Variants in EXOC6B observed in about 807,000 individuals in gnomAD.
EXOC6B encodes the protein SEC15 homolog B.
In EXOC6B, 54 loss-of-function variants were observed where a neutral mutation model predicts 113.5. The observed-to-expected ratio is 0.48, with a 90% CI of 0.38 to 0.60. The LOEUF (loss-of-function observed/expected upper bound fraction) is 0.60. EXOC6B is among the 20% of genes least tolerant of loss of function. The probability of loss-of-function intolerance (pLI) is 0.00; values close to 1 mark genes in which losing one functional copy is unlikely to be tolerated. For missense variants in EXOC6B, 797 were observed against 977.5 expected (o/e 0.82, Z 2.46); for synonymous variants, 357 against 339.0 (o/e 1.05, Z -0.58).
intron 20 of EXOC6B, among the ~76,000 whole-genome samples, chr2:72,188,719 A>G (rs1263446689): frequency 6.6e-6 from 1 of 152,248 alleles, no homozygotes; most frequent in African/African-American, 2.4e-5. Context: ...TTCTCCTGCA[A>G]GGACACTCAA....
intron 19 of EXOC6B, among the ~76,000 whole-genome samples, chr2:72,342,382 T>G: frequency 6.6e-6 from 1 of 152,010 alleles, no homozygotes; most frequent in Non-Finnish European, 1.5e-5. Flanking sequence ...AGGACCTAAA[T>G]AGACATTTTT....
intron 5 of EXOC6B, among the ~76,000 whole-genome samples, chr2:72,724,236 G>A (rs1680173152): frequency 6.6e-6 from 1 of 152,130 alleles, no homozygotes; most frequent in East Asian, 1.9e-4. Flanking sequence ...CCAGGGGAAG[G>A]TAAGATGAAC....
intron 1 of EXOC6B, among the ~76,000 whole-genome samples, chr2:72,814,587 A>G (rs1686113656): frequency 6.6e-6 from 1 of 152,238 alleles, no homozygotes; most frequent in Non-Finnish European, 1.5e-5. Flanking sequence ...TGCGTAATGT[A>G]TATTTTAAAG....
intron 18 of EXOC6B, among the ~76,000 whole-genome samples, chr2:72,406,252 T>C (rs1463874597): frequency 1.3e-5 from 2 of 152,012 alleles, no homozygotes; most frequent in Admixed American, 6.5e-5. Flanking sequence ...ACAATAATAA[T>C]GGGAGACTTT....
intron 20 of EXOC6B, among the ~76,000 whole-genome samples, chr2:72,271,258 A>C (rs1241859332): frequency 1.3e-5 from 2 of 152,242 alleles, no homozygotes; most frequent in Middle Eastern, 3.4e-3. Flanking sequence ...TCTCGAGTTT[A>C]AATTAAGTAG....
In EXOC6B at chr2:72,315,339, ATG is replaced by A. The variant is rs141556284; in HGVS notation, c.2196+19606_2196+19607del. Among the ~76,000 whole-genome samples, 307 of 148,430 alleles carry A rather than the reference ATG, an allele frequency of 2.1e-3. 2 individuals carry two copies. The highest frequency in any genetic ancestry group is 0.017 in the Middle Eastern group (5 of 288). ...AAGTAGTCACAGAGTTAAAGGGTGT[ATG>A]TGTGTGTGTGTGTGTGTGTGAAGGT... On this transcript the variant is annotated intron_variant, in intron 20 of 21. Coordinates refer to ENST00000272427, the MANE Select transcript of EXOC6B (RefSeq NM_015189.3).
At chr2:72,205,948 T>C (rs1330605716) in intron 20 of EXOC6B, among the ~76,000 whole-genome samples, 1 of 152,196 alleles carries the variant, frequency 6.6e-6, no homozygotes, top group Non-Finnish European at 1.5e-5. Flanking sequence ...TGTTCAAAAC[T>C]CTGGCCTGGA....
At chr2:72,592,716 G>T (rs1017670032) in intron 6 of EXOC6B, among the ~76,000 whole-genome samples, 1 of 152,162 alleles carries the variant, frequency 6.6e-6, no homozygotes, top group Non-Finnish European at 1.5e-5. Flanking sequence ...TAAAACCCTT[G>T]TAACTTCCTA....
At chr2:72,416,247 A>G (rs1381740575) in intron 18 of EXOC6B, among the ~76,000 whole-genome samples, 2 of 152,216 alleles carry the variant, frequency 1.3e-5, no homozygotes, top group African/African-American at 4.8e-5. Flanking sequence ...TCTCTCATCA[A>G]GAGAGCCAGC....
intron 5 of EXOC6B, among the ~76,000 whole-genome samples, chr2:72,721,364 T>TAAAAAAAAAAAA (rs11408155): frequency 1.1e-4 from 3 of 28,492 alleles, no homozygotes; most frequent in East Asian, 7.5e-4. Flanking sequence ...GTTGTTTTTG[T>TAAAAAAAAAAAA]AAAAAAAAAA....
chr2:72,742,243 T>G (rs1681366524), intron 1 of EXOC6B, among the ~76,000 whole-genome samples: 1 of 152,218 alleles, frequency 6.6e-6, no homozygotes, highest in African/African-American at 2.4e-5. Context: ...GTTTTCCCAT[T>G]TATCCCTCCT....
At chr2:72,802,324 C>CAA (rs200155351) in intron 1 of EXOC6B, among the ~76,000 whole-genome samples, 5 of 102,724 alleles carry the variant, frequency 4.9e-5, no homozygotes, top group East Asian at 2.8e-4. Flanking sequence ...GACTCTGTCT[C>CAA]AAAAAAAAAA....
Position 72,763,547 on chromosome 2 carries a change from C to T in EXOC6B, c.114-22078G>A, listed in dbSNP as rs190902575. ...AAGTGATCCTCCTATCTCAGCCTCA[C>T]AAGTAGCTGGGACTACAGGTGCGTG... On this transcript the variant is annotated intron_variant, in intron 1 of 21. Coordinates refer to ENST00000272427, the MANE Select transcript of EXOC6B (RefSeq NM_015189.3). Among the ~76,000 whole-genome samples the T allele has an allele frequency of 7.4e-3, 1,120 of 151,832 alleles. 9 individuals are homozygous for T. Among genetic ancestry groups the T allele is most frequent in the Non-Finnish European group, 0.011 (744 of 67,966 alleles).
intron 20 of EXOC6B, among the ~76,000 whole-genome samples, chr2:72,250,255 T>C (rs1008737351): frequency 2.6e-5 from 4 of 152,224 alleles, no homozygotes; most frequent in African/African-American, 9.6e-5. Flanking sequence ...ATTGCTTGGT[T>C]GGAGCCTCTA....
At chr2:72,342,770 T>A (rs1352282951) in intron 19 of EXOC6B, among the ~76,000 whole-genome samples, 3 of 151,136 alleles carry the variant, frequency 2.0e-5, no homozygotes, top group Admixed American at 2.0e-4. Flanking sequence ...TCTGAAAATA[T>A]CAACAACAAC....
At chr2:72,488,078 G>A (rs374050412) in intron 16 of EXOC6B, among the ~76,000 whole-genome samples, 18 of 152,126 alleles carry the variant, frequency 1.2e-4, no homozygotes, top group African/African-American at 3.6e-4. Flanking sequence ...TATTAAAAGC[G>A]CTCTTACCAA....
At chr2:72,293,797 C>T (rs1685956025) in intron 20 of EXOC6B, among the ~76,000 whole-genome samples, 1 of 151,774 alleles carries the variant, frequency 6.6e-6, no homozygotes, top group Non-Finnish European at 1.5e-5. Context: ...CAAACAAACC[C>T]AAGTAGACAA....
Position 72,210,313 on chromosome 2 carries a change from T to C in EXOC6B, c.2197-26126A>G, listed in dbSNP as rs140174397. ...AAGGAGCCAGATCCACATATTTAAG[T>C]CAATCGAAATGCATTTTTATGGACG... On this transcript the variant is annotated intron_variant, in intron 20 of 21. Transcript: ENST00000272427. Among the ~76,000 whole-genome samples, 1,114 of 152,294 alleles carry C rather than the reference T, an allele frequency of 7.3e-3. 20 individuals are homozygous for C. The highest frequency in any genetic ancestry group is 0.025 in the African/African-American group (1,040 of 41,556).
chr2:72,807,432 T>C (rs1685638779), intron 1 of EXOC6B, among the ~76,000 whole-genome samples: 1 of 152,184 alleles, frequency 6.6e-6, no homozygotes, highest in East Asian at 1.9e-4. Context: ...ATCCCTGTAG[T>C]ATAGTTTGAA....
Sources: gnomAD v4.1 joint callset for allele counts (sites outside exome capture counted in the v4.1 genomes callset) on GRCh38, gnomAD v4.1.1 for gene constraint, MANE v1.5 for transcripts, NCBI Gene and HGNC (gene_info 2026-07-23, HGNC 2026-07-21) for gene names.